UGGT2: variants seen among roughly 807,000 people sequenced by gnomAD.
The protein encoded by UGGT2 is UDP-glucose:glycoprotein glucosyltransferase 2.
In UGGT2, 180 loss-of-function variants were observed where a neutral mutation model predicts 192.1. The observed-to-expected ratio is 0.94, with a 90% CI of 0.83 to 1.06. UGGT2 has a LOEUF of 1.06. Among genes scored for constraint, UGGT2 ranks in the 50% least tolerant of loss-of-function variants. UGGT2 has a pLI of 0.00. For missense variants in UGGT2, 1,849 were observed against 1,795.7 expected (o/e 1.03, Z -0.54); for synonymous variants, 580 against 591.0 (o/e 0.98, Z 0.27).
At chr13:95,866,749 A>G (rs1890695593) in intron 30 of UGGT2, among the ~76,000 whole-genome samples, 1 of 152,148 alleles carries the variant, frequency 6.6e-6, no homozygotes, top group South Asian at 2.1e-4. Flanking sequence ...GGACAGAAAA[A>G]TGTTCCCAGG....
intron 2 of UGGT2, among the ~76,000 whole-genome samples, chr13:96,025,553 A>G (rs948128438): frequency 2.0e-5 from 3 of 152,214 alleles, no homozygotes; most frequent in African/African-American, 7.2e-5. Context: ...GTTTAGTTCA[A>G]TAGGTCCTGG....
At chr13:96,025,141 T>C (rs896981592) in intron 2 of UGGT2, among the ~76,000 whole-genome samples, 1 of 152,222 alleles carries the variant, frequency 6.6e-6, no homozygotes, top group Non-Finnish European at 1.5e-5. Flanking sequence ...AGGTCATCTG[T>C]CAGCATCCAT....
chr13:95,947,826 AAC>A (rs1566741789), intron 14 of UGGT2, among the ~76,000 whole-genome samples, 168 bp downstream of exon 14: 1 of 152,188 alleles, frequency 6.6e-6, no homozygotes, highest in Non-Finnish European at 1.5e-5. Context: ...AGATTTGATA[AAC>A]AGAGTCTAAC....
At chr13:95,979,276 G>T (rs1407150283) in intron 10 of UGGT2, among the ~76,000 whole-genome samples, 1 of 152,082 alleles carries the variant, frequency 6.6e-6, no homozygotes, top group East Asian at 1.9e-4. Context: ...AGTTAAAGCA[G>T]TTGTCTCCTA....
chr13:95,972,532 A>AT, intron 11 of UGGT2, 48 bp downstream of exon 11: 1 of 1,426,944 alleles, frequency 7.0e-7, no homozygotes, highest in Non-Finnish European at 9.8e-7. Flanking sequence ...GACAATGTTT[A>AT]TTTTTATATA....
At chr13:95,906,699 C>G (rs1462593078) in intron 20 of UGGT2, among the ~76,000 whole-genome samples, 1 of 152,188 alleles carries the variant, frequency 6.6e-6, no homozygotes, top group East Asian at 1.9e-4. Context: ...AAGCTAAAAT[C>G]TTGAAAAGAA....
rs1354475577 is a variant in UGGT2 at position 95,854,476 on chromosome 13, CTAAA to C, written c.4009-5_4009-2del. 1 of 1,599,748 alleles carries C rather than the reference CTAAA, an allele frequency of 6.3e-7. No homozygotes were observed. The highest frequency in any genetic ancestry group is 8.5e-7 in the Non-Finnish European group (1 of 1,174,770). On this transcript the variant is annotated splice_acceptor_variant and splice_polypyrimidine_tract_variant and intron_variant, in intron 34 of 38. Coordinates refer to ENST00000376747, the MANE Select transcript of UGGT2 (RefSeq NM_020121.4). LOFTEE classifies it high-confidence loss of function. Reference sequence around the variant, plus strand: ...GTTCTTTTAGATCATGTCTCACAATCTAAATAATTAAAATAGACTGTCTGATAAA... The same window carrying C: ...GTTCTTTTAGATCATGTCTCACAATCTAATTAAAATAGACTGTCTGATAAA...
chr13:95,920,914 T>C (rs942805196), intron 20 of UGGT2, among the ~76,000 whole-genome samples: 17 of 152,126 alleles, frequency 1.1e-4, no homozygotes, highest in African/African-American at 1.2e-4. Flanking sequence ...TGCAGCACCA[T>C]TGACAATAGT....
intron 12 of UGGT2, among the ~76,000 whole-genome samples, chr13:95,951,988 G>A (rs2050077640): frequency 1.3e-5 from 2 of 151,980 alleles, no homozygotes; most frequent in Middle Eastern, 3.4e-3. Flanking sequence ...AACCCAGGAG[G>A]CAGAGGTTGT....
chr13:95,943,868 A>G (rs1378374785), intron 15 of UGGT2, among the ~76,000 whole-genome samples: 1 of 152,022 alleles, frequency 6.6e-6, no homozygotes, highest in Non-Finnish European at 1.5e-5. Context: ...TTTAAAAACA[A>G]TGCTTTCTAT....
rs755578351 is a variant in UGGT2 at position 96,053,363 on chromosome 13, G to C, written c.-51C>G. On this transcript the variant is annotated 5_prime_UTR_variant, in exon 1 of 39. Transcript: ENST00000376747. Reference sequence around the variant, plus strand: ...CTCGGACCCGGTACCCACAGTCTGTGGCCGCCACGCTTCGGCCGGCTCTTC... The same window carrying C: ...CTCGGACCCGGTACCCACAGTCTGTCGCCGCCACGCTTCGGCCGGCTCTTC... The C allele has an allele frequency of 2.0e-5, 31 of 1,548,102 alleles. No homozygotes were observed. Among genetic ancestry groups the C allele is most frequent in the Non-Finnish European group, 2.7e-5 (31 of 1,158,368 alleles).
intron 4 of UGGT2, among the ~76,000 whole-genome samples, chr13:96,016,788 G>T (rs958956756): frequency 6.6e-6 from 1 of 152,170 alleles, no homozygotes; most frequent in African/African-American, 2.4e-5. Context: ...GTGGAGGGGG[G>T]GCTGCAACCC....
intron 27 of UGGT2, among the ~76,000 whole-genome samples, chr13:95,880,900 T>G (rs1401710690): frequency 6.6e-6 from 1 of 152,064 alleles, no homozygotes; most frequent in African/African-American, 2.4e-5. Flanking sequence ...CATGGCCGAG[T>G]GCAGTGGCTC....
intron 36 of UGGT2, among the ~76,000 whole-genome samples, chr13:95,840,665 C>T (rs983745174): frequency 1.3e-5 from 2 of 152,114 alleles, no homozygotes; most frequent in Non-Finnish European, 2.9e-5. Flanking sequence ...GATCTACGAC[C>T]AGAAACACCA....
At chr13:95,946,143 A>G (rs549799979) in intron 15 of UGGT2, among the ~76,000 whole-genome samples, 1 of 152,234 alleles carries the variant, frequency 6.6e-6, no homozygotes, top group Non-Finnish European at 1.5e-5. Flanking sequence ...ACAATGATCC[A>G]TAACAGAATT....
At position 95,825,481 on chromosome 13, in the gene UGGT2, CAGGTATTT is replaced by C. The variant is rs1034748535; in HGVS notation, c.4528+7438_4528+7445del. ...CTCTTATCCCAGTGGTCCAGCTATT[CAGGTATTT>C]TTATCTGTAGGCATGTTGATGTTCT... On this transcript the variant is annotated intron_variant, in intron 38 of 38. Coordinates refer to ENST00000376747, the MANE Select transcript of UGGT2 (RefSeq NM_020121.4). Among the ~76,000 whole-genome samples, 164 of 152,216 alleles carry C rather than the reference CAGGTATTT, an allele frequency of 1.1e-3. 1 individual carries two copies. Among genetic ancestry groups the C allele is most frequent in the Middle Eastern group, 3.4e-3 (1 of 294 alleles).
At chr13:95,852,935 A>G (rs1254612571) in intron 36 of UGGT2, among the ~76,000 whole-genome samples, 1 of 152,176 alleles carries the variant, frequency 6.6e-6, no homozygotes, top group Non-Finnish European at 1.5e-5. Flanking sequence ...CTGTGTCCCC[A>G]CCTAAATCTC....
intron 38 of UGGT2, among the ~76,000 whole-genome samples, chr13:95,811,111 C>G (rs1385702061): frequency 6.6e-6 from 1 of 152,030 alleles, no homozygotes; most frequent in Non-Finnish European, 1.5e-5. Flanking sequence ...TAAGTATTGA[C>G]AAGGATGTAG....
At chr13:95,870,506 T>C (rs973542869) in intron 29 of UGGT2, among the ~76,000 whole-genome samples, 18 of 152,212 alleles carry the variant, frequency 1.2e-4, no homozygotes, top group Non-Finnish European at 2.1e-4. Flanking sequence ...TGCTTAGCTT[T>C]CTGGGTACCA....
Sources: gnomAD v4.1 joint callset for allele counts (sites outside exome capture counted in the v4.1 genomes callset) on GRCh38, gnomAD v4.1.1 for gene constraint, MANE v1.5 for transcripts, NCBI Gene and HGNC (gene_info 2026-07-23, HGNC 2026-07-21) for gene names.